The following USP25 variants were observed in gnomAD, a reference collection of about 807,000 sequenced individuals.
USP25 encodes the protein ubiquitin specific peptidase 25.
USP25 carries 85 observed loss-of-function variants against 158.5 expected under a neutral mutation model. The observed-to-expected ratio is 0.54, with a 90% confidence interval of 0.45 to 0.64. The LOEUF is 0.64. Ranked by LOEUF, USP25 falls within the 30% of genes least tolerant of loss-of-function variation. The pLI, the probability that USP25 is intolerant of heterozygous loss-of-function variation, is 0.00. For missense variants in USP25, 1,242 were observed against 1,327.3 expected (o/e 0.94, Z 1.00); for synonymous variants, 464 against 460.4 (o/e 1.01, Z -0.10).
At chr21:15,827,765 C>CGTGTGCGT (rs1555849275) in intron 14 of USP25, among the ~76,000 whole-genome samples, 2 of 136,914 alleles carry the variant, frequency 1.5e-5, no homozygotes, top group East Asian at 2.2e-4. Flanking sequence ...TGTGCGTGTG[C>CGTGTGCGT]GTGTGTGTGT....
intron 20 of USP25, among the ~76,000 whole-genome samples, chr21:15,859,787 A>G (rs2039335391): frequency 6.6e-6 from 1 of 151,692 alleles, no homozygotes. Context: ...TTTTTTCTGT[A>G]TTATCACCTT....
At chr21:15,765,343 C>T (rs1014287739) in intron 2 of USP25, among the ~76,000 whole-genome samples, 1 of 152,102 alleles carries the variant, frequency 6.6e-6, no homozygotes, top group African/African-American at 2.4e-5. Context: ...CTGGCATCTG[C>T]TTTCTTCTAA....
intron 14 of USP25, 110 bp from the exon 15 acceptor site, chr21:15,830,421 A>T (rs912777028): frequency 2.4e-6 from 2 of 817,824 alleles, no homozygotes; most frequent in Non-Finnish European, 3.7e-6. Flanking sequence ...GAAAAGTTTT[A>T]GGAAAATTTT....
chr21:15,866,027 C>G (rs1449608819), intron 21 of USP25, among the ~76,000 whole-genome samples: 1 of 151,942 alleles, frequency 6.6e-6, no homozygotes, highest in Admixed American at 6.6e-5. Flanking sequence ...AATTTAAAAG[C>G]CATATATCAA....
intron 10 of USP25, 122 bp from the exon 11 acceptor site, chr21:15,823,917 T>C (rs781242966): frequency 5.6e-5 from 54 of 957,212 alleles, no homozygotes; most frequent in Non-Finnish European, 8.0e-5. Flanking sequence ...CCCAGTTACT[T>C]GTCAGGTCCG....
rs528728196 is a variant in USP25 at position 15,747,217 on chromosome 21, C to T, written c.46-15674C>T. ...TTGTTTTTCTATTTACAATAGTCCA[C>T]GTTTACTCTCATGGAATGTGTTCCA... On this transcript the variant is annotated intron_variant, in intron 1 of 25. Coordinates refer to ENST00000400183, the MANE Select transcript of USP25 (RefSeq NM_001283041.3). Among the ~76,000 whole-genome samples the T allele has an allele frequency of 5.3e-5, 8 of 152,092 alleles. No homozygotes were observed. The South Asian group carries it at 1.0e-3, about 20-fold the overall frequency.
rs2036517124 is a variant in USP25, at chr21:15,808,785, C to T, written c.781-24C>T. 4 of 1,565,576 alleles carry T rather than the reference C, an allele frequency of 2.6e-6. No homozygotes were observed. The East Asian group carries it at 6.9e-5, about 27-fold the overall frequency. ...TTTTTTTTTTAGTAGGCTCAAATATCAACAGGCTTTTTTCTTTTCACAGCA... is the reference window on the plus strand; with the variant it reads ...TTTTTTTTTTAGTAGGCTCAAATATTAACAGGCTTTTTTCTTTTCACAGCA... On this transcript the variant is annotated intron_variant, in intron 7 of 25. Transcript: ENST00000400183.
At chr21:15,827,752 TTGTGTG>T (rs2037584656) in intron 14 of USP25, among the ~76,000 whole-genome samples, 1 of 138,546 alleles carries the variant, frequency 7.2e-6, no homozygotes, top group Non-Finnish European at 1.5e-5. Flanking sequence ...GTGTGTGCAC[TTGTGTG>T]CGTGTGCGTG....
At chr21:15,824,902 T>C in intron 11 of USP25, 64 bp from the exon 12 acceptor site, 2 of 1,344,572 alleles carry the variant, frequency 1.5e-6, no homozygotes, top group East Asian at 4.7e-5. Context: ...TACGCTGGCA[T>C]CTGGCCATAT....
At chr21:15,754,107 G>C (rs1273143987) in intron 1 of USP25, among the ~76,000 whole-genome samples, 1 of 152,150 alleles carries the variant, frequency 6.6e-6, no homozygotes, top group African/African-American at 2.4e-5. Context: ...AGTTTTTCAA[G>C]GTTACTCTTG....
At chr21:15,761,459 G>A (rs763627898) in intron 1 of USP25, among the ~76,000 whole-genome samples, 1 of 152,198 alleles carries the variant, frequency 6.6e-6, no homozygotes, top group Non-Finnish European at 1.5e-5. Flanking sequence ...CTGGTGATTA[G>A]CAACTTCCTG....
chr21:15,782,132 G>A (rs138765597), intron 4 of USP25, among the ~76,000 whole-genome samples: 129 of 152,352 alleles, frequency 8.5e-4, no homozygotes, highest in African/African-American at 3.0e-3. Context: ...ACCCAGGGAA[G>A]CAGGTGGGCC....
intron 24 of USP25, 166 bp from the exon 25 acceptor site, chr21:15,877,630 A>G (rs1236995203): frequency 1.9e-6 from 1 of 516,034 alleles, no homozygotes; most frequent in African/African-American, 2.0e-5. Context: ...TTTTCTAAAG[A>G]GAGATTTTCA....
chr21:15,767,412 T>TC (rs2034103732), intron 3 of USP25, among the ~76,000 whole-genome samples: 1 of 152,076 alleles, frequency 6.6e-6, no homozygotes, highest in African/African-American at 2.4e-5. Context: ...TTCTCCAGCA[T>TC]CCAGGGCATG....
intron 4 of USP25, among the ~76,000 whole-genome samples, chr21:15,780,034 A>T (rs2034877855): frequency 6.6e-6 from 1 of 152,184 alleles, no homozygotes; most frequent in Admixed American, 6.5e-5. Flanking sequence ...TTATTAAGGT[A>T]TAGAACTCTA....
chr21:15,816,648 T>C lies in USP25; in HGVS notation c.932-2050T>C, dbSNP rs1416141726. On this transcript the variant is annotated intron_variant, in intron 9 of 25. Transcript: ENST00000400183. This position sits in a 1 kb window ranked among gnomAD's most constrained non-coding sequence, Gnocchi z 4.0. Reference sequence around the variant, plus strand: ...TCCCCTAGGCATCTCATTCAGTGCCTTAATTTCCTGCTGTCAATAAGCCAG... The same window carrying C: ...TCCCCTAGGCATCTCATTCAGTGCCCTAATTTCCTGCTGTCAATAAGCCAG... 3.3e-5 allele frequency among the ~76,000 whole-genome samples: 5 copies of C among 152,324 alleles called. No individual in the cohort carries two copies. Among genetic ancestry groups the C allele is most frequent in the African/African-American group, 1.2e-4 (5 of 41,584 alleles).
Position 15,866,893 on chromosome 21 carries a change from G to A in USP25, c.2805+549G>A, listed in dbSNP as rs373515168. ...TTCACAGCCACAAGTTTACAGCTTG[G>A]CTAATAGAACCTACATTCTTAACTG... is the stretch of plus-strand genomic sequence containing the variant. On this transcript the variant is annotated intron_variant, in intron 22 of 25. Transcript: ENST00000400183. 1.1e-4 allele frequency among the ~76,000 whole-genome samples: 17 copies of A among 152,226 alleles called. No homozygotes were observed. In the South Asian group the frequency reaches 3.3e-3, roughly 30 times the overall value.
chr21:15,826,076 T>G lies in USP25; in HGVS notation c.1305-128T>G. 2 of 1,070,846 alleles carry G rather than the reference T, an allele frequency of 1.9e-6. No homozygotes were observed. Among genetic ancestry groups the G allele is most frequent in the East Asian group, 2.6e-5 (1 of 38,358 alleles). 66.3% of individuals were successfully genotyped at this position (1,070,846 alleles called of 1,614,324 possible). ...TATATTCAGTTTTACCATCTTCGTT[T>G]TAAAGCAAATGAATTTTATTGCTGA... On this transcript the variant is annotated intron_variant, in intron 12 of 25. Transcript: ENST00000400183. The surrounding 1 kb of genome is among the most constrained non-coding windows in gnomAD (Gnocchi z 4.8).
At chr21:15,861,232 A>G (rs1183547143) in intron 20 of USP25, among the ~76,000 whole-genome samples, 1 of 152,134 alleles carries the variant, frequency 6.6e-6, no homozygotes, top group Non-Finnish European at 1.5e-5. Flanking sequence ...GCATGTGTGC[A>G]TTTGTGAGGA....
Sources: gnomAD v4.1 joint callset for allele counts (sites outside exome capture counted in the v4.1 genomes callset) on GRCh38, gnomAD v4.1.1 for gene constraint, Gnocchi (gnomAD v3.1) non-coding constraint, MANE v1.5 for transcripts, NCBI Gene and HGNC (gene_info 2026-07-23, HGNC 2026-07-21) for gene names.